REV3L: variants seen among roughly 807,000 people sequenced by gnomAD.
REV3L encodes DNA polymerase zeta catalytic subunit.
In REV3L, 69 loss-of-function variants were observed where a neutral mutation model predicts 299.4. The ratio of observed to expected loss-of-function variants is 0.23; its 90% CI spans 0.19 to 0.28. REV3L has a LOEUF of 0.28. Ranked by LOEUF, REV3L falls within the 10% of genes least tolerant of loss-of-function variation. The probability of loss-of-function intolerance (pLI) is 1.00; values close to 1 mark genes in which losing one functional copy is unlikely to be tolerated. For missense variants in REV3L, 3,128 were observed against 3,693.8 expected (o/e 0.85, Z 3.97); for synonymous variants, 1,238 against 1,271.4 (o/e 0.97, Z 0.56).
At chr6:111,317,222 A>C (rs1393011546) in intron 26 of REV3L, among the ~76,000 whole-genome samples, 1 of 152,176 alleles carries the variant, frequency 6.6e-6, no homozygotes, top group East Asian at 1.9e-4. Flanking sequence ...TCTTTGGAAA[A>C]AGTCCCTGCT....
chr6:111,311,183 C>T lies in REV3L; in HGVS notation c.8681G>A (p.Cys2894Tyr), dbSNP rs2114724477. The stretch of plus-strand genomic sequence containing the variant: ...GGCCTTTCCTTCCAGAAGCTTCATA[C>T]ATTGTCGCTGAACATACTGTTTAAT... Reference protein sequence around the residue: ...SLIKQYVQRQCMKLLEGKASI... With the variant: ...SLIKQYVQRQYMKLLEGKASI... The change falls in exon 29 of 32, where the codon TGT becomes TAT. Residue 2894 changes from cysteine to tyrosine, a missense_variant. By Grantham distance (194) the Cys-to-Tyr change is radical (BLOSUM62 -2). Coordinates refer to ENST00000368802, the MANE Select transcript of REV3L (RefSeq NM_001372078.1). 1 of 1,614,028 alleles carries T rather than the reference C, an allele frequency of 6.2e-7. No homozygotes were observed. The highest frequency in any genetic ancestry group is 8.5e-7 in the Non-Finnish European group (1 of 1,179,934).
At position 111,376,515 on chromosome 6, in the gene REV3L, C is replaced by G. The variant is rs779260987; in HGVS notation, c.1840G>C (p.Val614Leu). 2 of 1,612,488 alleles carry G rather than the reference C, an allele frequency of 1.2e-6. No individual in the cohort carries two copies. Among genetic ancestry groups the G allele is most frequent in the Admixed American group, 3.3e-5 (2 of 59,704 alleles). The change falls in exon 13 of 32, where the codon GTC becomes CTC. Residue 614 changes from valine (V) to leucine (L), a missense_variant. Physicochemically the swap from Val to Leu is conservative, Grantham distance 32. Transcript: ENST00000368802. ...KNTEKGLDNS[V>L]TSFTNESTYS... ...GTGCTTTCGTTTGTAAAAGAAGTGA[C>G]TGAGTTATCTAGACCTTTTTCTGTA...
In REV3L at chr6:111,381,389, G is replaced by C; in HGVS notation, c.1152C>G (p.Asn384Lys). The change falls in exon 10 of 32, where the codon AAC becomes AAG. Residue 384 changes from asparagine to lysine, a missense_variant. By Grantham distance (94) the Asn-to-Lys change is moderately conservative. Transcript: ENST00000368802. ...GAAAAGTCTGACTATTTTCCATAAG[G>C]TTCAAAATTGCTTCTTCATTAATAA... The part of the protein sequence containing the change: ...EALINEEAIL[N>K]LMENSQTFQP... The C allele has an allele frequency of 6.2e-7, 1 of 1,613,266 alleles. No homozygotes were observed. Among genetic ancestry groups the C allele is most frequent in the Non-Finnish European group, 8.5e-7 (1 of 1,179,574 alleles).
chr6:111,313,663 TTTAAG>T (rs1773217080), intron 27 of REV3L, 174 bp from the exon 28 acceptor site: 2 of 582,718 alleles, frequency 3.4e-6, no homozygotes, highest in Non-Finnish European at 5.7e-6. Context: ...ATGAATTGTC[TTTAAG>T]TTGTTACCAC....
chr6:111,445,921 A>G (rs79613749), intron 1 of REV3L, among the ~76,000 whole-genome samples: 6 of 152,232 alleles, frequency 3.9e-5, no homozygotes, highest in African/African-American at 1.2e-4. Context: ...AATGCCAAGC[A>G]TATGAGTGGG....
In REV3L at chr6:111,309,943, G is replaced by A; in HGVS notation, c.8952C>T (p.Tyr2984=). The A allele has an allele frequency of 1.2e-6, 2 of 1,614,118 alleles. No homozygotes were observed. Among genetic ancestry groups the A allele is most frequent in the Non-Finnish European group, 1.7e-6 (2 of 1,180,004 alleles). Residue 2984 remains tyrosine (Y), a synonymous_variant, in exon 30 of 32, where the codon TAC becomes TAT. Transcript: ENST00000368802. ...GTGGAAGGATTTGCTTGGTAATATA[G>A]TAAGTAGCATTCAGTCTCAGAGTTG... ...QDPTLRLNAT[Y]YITKQILPPL...
At chr6:111,420,478 G>C (rs1785210454) in intron 1 of REV3L, among the ~76,000 whole-genome samples, 1 of 152,128 alleles carries the variant, frequency 6.6e-6, no homozygotes, top group Non-Finnish European at 1.5e-5. Flanking sequence ...ATGTCTAGTT[G>C]AAACTTCATA....
intron 4 of REV3L, among the ~76,000 whole-genome samples, chr6:111,399,246 ATAAC>A (rs532380015): frequency 1.1e-3 from 160 of 152,308 alleles, no homozygotes; most frequent in African/African-American, 3.7e-3. Flanking sequence ...CTTGACAATG[ATAAC>A]TAACTTATTA....
At chr6:111,300,936 A>T (rs888491470) in intron 31 of REV3L, among the ~76,000 whole-genome samples, 11 of 152,250 alleles carry the variant, frequency 7.2e-5, no homozygotes, top group African/African-American at 2.4e-4. Flanking sequence ...GGAGATAACC[A>T]TAAAATCTGA....
At chr6:111,387,379 C>T (rs374481770) in intron 9 of REV3L, among the ~76,000 whole-genome samples, 9 of 152,150 alleles carry the variant, frequency 5.9e-5, no homozygotes, top group South Asian at 4.1e-4. Flanking sequence ...TTGAATTATA[C>T]GCTTAAAATG....
chr6:111,370,711 ATATTTTAACAGCTT>A (rs1779716110), intron 13 of REV3L, among the ~76,000 whole-genome samples: 1 of 152,172 alleles, frequency 6.6e-6, no homozygotes, highest in Non-Finnish European at 1.5e-5. Context: ...TTTTAAAAAG[ATATTTTAACAGCTT>A]TAGGTTGACA....
At chr6:111,392,262 G>A (rs1451797189) in intron 5 of REV3L, among the ~76,000 whole-genome samples, 6 of 152,150 alleles carry the variant, frequency 3.9e-5, no homozygotes, top group Non-Finnish European at 8.8e-5. Flanking sequence ...AACAGGAGGT[G>A]TTCCTATGGA....
intron 28 of REV3L, 67 bp from the exon 29 acceptor site, chr6:111,311,326 C>T: frequency 8.1e-7 from 1 of 1,239,662 alleles, no homozygotes; most frequent in Non-Finnish European, 1.1e-6. Context: ...ATTGTTATTA[C>T]ACTTTCAATT....
intron 1 of REV3L, among the ~76,000 whole-genome samples, chr6:111,434,056 T>C (rs1189378592): frequency 6.6e-6 from 1 of 152,092 alleles, no homozygotes; most frequent in Non-Finnish European, 1.5e-5. Flanking sequence ...TAATAAAGAA[T>C]ATATATTACA....
chr6:111,305,922 A>G (rs1280838556), intron 31 of REV3L, among the ~76,000 whole-genome samples: 3 of 152,248 alleles, frequency 2.0e-5, no homozygotes, highest in Non-Finnish European at 4.4e-5. Context: ...CTAGAACCAC[A>G]AAACTGGTAA....
intron 18 of REV3L, among the ~76,000 whole-genome samples, chr6:111,353,327 C>T (rs1034842863): frequency 1.3e-5 from 2 of 152,072 alleles, no homozygotes; most frequent in Admixed American, 6.5e-5. Context: ...GAATGGCTTT[C>T]GTTTTTACCT....
Position 111,375,415 on chromosome 6 carries a change from A to G in REV3L, c.2940T>C (p.Ile980=), listed in dbSNP as rs781694599. 43 of 1,597,002 alleles carry G rather than the reference A, an allele frequency of 2.7e-5. No individual in the cohort carries two copies. In the South Asian group the frequency reaches 4.8e-4, roughly 18 times the overall value. ...KLPPVIIKYI[I]INRFRGRKNM... Reference sequence around the variant, plus strand: ...TTTTTCTCCCTCTAAATCTATTAATAATAATATACTTTATGATGACAGGGG... The same window carrying G: ...TTTTTCTCCCTCTAAATCTATTAATGATAATATACTTTATGATGACAGGGG... The change falls in exon 13 of 32, where the codon ATT becomes ATC. Residue 980 remains isoleucine (I), a synonymous_variant. Coordinates refer to ENST00000368802, the MANE Select transcript of REV3L (RefSeq NM_001372078.1).
intron 1 of REV3L, among the ~76,000 whole-genome samples, chr6:111,471,404 C>T (rs1271313835): frequency 1.3e-5 from 2 of 152,164 alleles, no homozygotes; most frequent in East Asian, 3.8e-4. Flanking sequence ...TGTAAAAAAT[C>T]TCATACCACA....
chr6:111,310,525 A>T (rs1411430038), intron 29 of REV3L: 1 of 155,306 alleles, frequency 6.4e-6, no homozygotes, highest in Admixed American at 6.5e-5. Context: ...CACACCTGTT[A>T]TCCCAGCTAC....
Sources: allele counts gnomAD v4.1 joint callset (sites outside exome capture counted in the v4.1 genomes callset), GRCh38; gene constraint gnomAD v4.1.1; transcripts MANE v1.5; gene names NCBI Gene and HGNC (gene_info 2026-07-23, HGNC 2026-07-21).